ZP3: variants seen among roughly 807,000 people sequenced by gnomAD.
ZP3 encodes zona pellucida glycoprotein 3.
ZP3 carries 21 observed loss-of-function variants against 35.6 expected under a neutral mutation model. The observed-to-expected ratio is 0.59, with a 90% CI of 0.42 to 0.85. The LOEUF (loss-of-function observed/expected upper bound fraction) is 0.85. Ranked by LOEUF, ZP3 falls within the 40% of genes least tolerant of loss-of-function variation. ZP3 has a pLI of 0.00. For synonymous variants in ZP3, 207 were observed against 214.5 expected, an observed-to-expected ratio of 0.96 and a Z score of 0.31; for missense variants, 437 against 536.5, an observed-to-expected ratio of 0.81 and a Z score of 1.83.
intron 1 of ZP3, among the ~76,000 whole-genome samples, chr7:76,418,483 G>A (rs1271307732): frequency 4.0e-5 from 6 of 150,560 alleles, no homozygotes; most frequent in Admixed American, 2.7e-4. Flanking sequence ...CCTGAAAGGC[G>A]GAGGTTGCAG....
chr7:76,437,171 C>CTTTTTTTTTTTT (rs869115807), intron 5 of ZP3, among the ~76,000 whole-genome samples: 10 of 78,720 alleles, frequency 1.3e-4, no homozygotes, highest in African/African-American at 5.1e-4. Context: ...ACCCTGTGTA[C>CTTTTTTTTTTTT]TTTTTTTTTT....
At chr7:76,437,659 G>GTT (rs1480378244) in intron 5 of ZP3, among the ~76,000 whole-genome samples, 15 of 98,082 alleles carry the variant, frequency 1.5e-4, no homozygotes, top group Non-Finnish European at 6.1e-5. Context: ...GCTAATTTCT[G>GTT]TATTTTTTTT....
intron 1 of ZP3, among the ~76,000 whole-genome samples, chr7:76,398,976 G>A (rs754591215): frequency 9.9e-5 from 15 of 152,220 alleles, no homozygotes; most frequent in South Asian, 4.1e-4. Context: ...CCAGAGTCCT[G>A]GACTCCTCTA....
chr7:76,412,962 CTTCTTT>C (rs1411066678), intron 1 of ZP3, among the ~76,000 whole-genome samples: 12 of 113,756 alleles, frequency 1.1e-4, no homozygotes, highest in Non-Finnish European at 1.7e-4. Flanking sequence ...TCTTCTTCTT[CTTCTTT>C]TTTTTTTTTT....
chr7:76,426,119 T>A (rs1315760201), intron 1 of ZP3, among the ~76,000 whole-genome samples: 2 of 149,754 alleles, frequency 1.3e-5, no homozygotes, highest in African/African-American at 4.9e-5. Flanking sequence ...ATAAGTGGTA[T>A]GGGGGCGGGG....
upstream of ZP3, among the ~76,000 whole-genome samples, chr7:76,422,551 C>A (rs1185648938): frequency 6.6e-6 from 1 of 150,944 alleles, no homozygotes; most frequent in Non-Finnish European, 1.5e-5. Context: ...TGGTGGCAGG[C>A]GCCTGTAATC....
chr7:76,433,739 C>T, intron 4 of ZP3, 92 bp downstream of exon 4: 1 of 1,357,668 alleles, frequency 7.4e-7, no homozygotes, highest in Non-Finnish European at 1.0e-6. Context: ...CACTCTGTAA[C>T]CCAGGCTGGA....
intron 1 of ZP3, chr7:76,404,324 A>G: frequency 6.2e-7 from 1 of 1,606,528 alleles, no homozygotes; most frequent in East Asian, 2.2e-5. Flanking sequence ...CAGGAGGAGA[A>G]GGAAAGACAG....
Position 76,425,291 on chromosome 7 carries a change from G to A in ZP3, c.312+15G>A, listed in dbSNP as rs762262105. On this transcript the variant is annotated intron_variant, in intron 1 of 7. Coordinates refer to ENST00000394857, the MANE Select transcript of ZP3 (RefSeq NM_001110354.2). ...ACAGCATGCAGGTAAGAGAGGCTGG[G>A]GGCCCTGGCTTTGGTGGGAGGATGT... 3 of 1,590,064 alleles carry A rather than the reference G, an allele frequency of 1.9e-6. No homozygotes were observed. The highest frequency in any genetic ancestry group is 2.6e-6 in the Non-Finnish European group (3 of 1,167,136).
upstream of ZP3, among the ~76,000 whole-genome samples, chr7:76,421,050 C>T (rs942540637): frequency 6.6e-6 from 1 of 152,002 alleles, no homozygotes; most frequent in East Asian, 1.9e-4. Flanking sequence ...ATTCTCTTGC[C>T]TCAGCCTCCT....
chr7:76,407,434 C>T (rs62476836), intron 1 of ZP3, among the ~76,000 whole-genome samples: 64,148 of 151,516 alleles, frequency 0.42, 13,792 homozygotes, highest in South Asian at 0.53. Context: ...CAGGTTCAAG[C>T]GATTCTCCTG....
chr7:76,434,622 G>C (rs1173195152), intron 5 of ZP3, among the ~76,000 whole-genome samples: 1 of 136,184 alleles, frequency 7.3e-6, no homozygotes, highest in Non-Finnish European at 1.6e-5. Flanking sequence ...CTGAGTGACA[G>C]TGAGACTCCA....
intron 2 of ZP3, among the ~76,000 whole-genome samples, chr7:76,432,477 C>T (rs1181962232): frequency 1.3e-5 from 2 of 152,112 alleles, no homozygotes; most frequent in African/African-American, 2.4e-5. Flanking sequence ...AGCCACCGTG[C>T]CTGGCCTCTT....
At chr7:76,423,955 GA>G (rs1213214444), upstream of ZP3, among the ~76,000 whole-genome samples, 1 of 151,966 alleles carries the variant, frequency 6.6e-6, no homozygotes, top group Non-Finnish European at 1.5e-5. Context: ...ACCCAGGAAT[GA>G]AGAACGCAGG....
At chr7:76,416,903 T>C (rs544972935) in intron 1 of ZP3, among the ~76,000 whole-genome samples, 10,956 of 144,664 alleles carry the variant, frequency 0.076, 1,052 homozygotes, top group African/African-American at 0.21. Flanking sequence ...TACACATACA[T>C]ATGTATACAT....
intron 1 of ZP3, among the ~76,000 whole-genome samples, chr7:76,426,082 C>CA (rs368396750): frequency 0.36 from 43,758 of 121,494 alleles, 6,988 homozygotes; most frequent in East Asian, 0.57. Context: ...GACTCTGGCT[C>CA]AAAAAAAAAA....
At chr7:76,405,319 A>T (rs57903929) in intron 1 of ZP3, among the ~76,000 whole-genome samples, 71 of 18,240 alleles carry the variant, frequency 3.9e-3, no homozygotes, top group Admixed American at 5.6e-3. Flanking sequence ...ATATATATGT[A>T]TTTTTTTCTT....
chr7:76,402,783 C>A (rs1804873558), intron 1 of ZP3, among the ~76,000 whole-genome samples: 1 of 152,140 alleles, frequency 6.6e-6, no homozygotes, highest in African/African-American at 2.4e-5. Flanking sequence ...GATTCTCCTG[C>A]CTCAACCTCC....
chr7:76,414,852 A>G (rs1805334067), intron 1 of ZP3, among the ~76,000 whole-genome samples: 1 of 1,186 alleles, frequency 8.4e-4, no homozygotes, highest in African/African-American at 4.1e-3. Flanking sequence ...TACAGATGCA[A>G]GATGAGTGCC....
Sources: gnomAD v4.1 joint callset for allele counts (sites outside exome capture counted in the v4.1 genomes callset) on GRCh38, gnomAD v4.1.1 for gene constraint, MANE v1.5 for transcripts, NCBI Gene and HGNC (gene_info 2026-07-23, HGNC 2026-07-21) for gene names.